Variants in ZBTB44 observed in about 807,000 individuals in gnomAD.
ZBTB44 encodes zinc finger and BTB domain containing 44, also known as zinc finger and BTB domain-containing protein 44.
In ZBTB44, 15 loss-of-function variants were observed where a neutral mutation model predicts 54.0. The ratio of observed to expected loss-of-function variants is 0.28; its 90% CI spans 0.19 to 0.43. The LOEUF (loss-of-function observed/expected upper bound fraction) is 0.43, where lower values mean the gene tolerates loss of function less well. Ranked by LOEUF, ZBTB44 falls within the 20% of genes least tolerant of loss-of-function variation. The pLI is 1.00. For synonymous variants in ZBTB44, 230 were observed against 250.1 expected (o/e 0.92, Z 0.76); for missense variants, 487 against 707.1 (o/e 0.69, Z 3.53).
intron 1 of ZBTB44, among the ~76,000 whole-genome samples, chr11:130,280,436 G>C (rs1412921023): frequency 6.6e-6 from 1 of 152,054 alleles, no homozygotes; most frequent in East Asian, 1.9e-4. Context: ...TTAAAAGACA[G>C]CATCAAAATA....
intron 1 of ZBTB44, among the ~76,000 whole-genome samples, chr11:130,268,664 C>T (rs1008403104): frequency 9.2e-5 from 14 of 152,050 alleles, no homozygotes; most frequent in African/African-American, 2.9e-4. Flanking sequence ...CTGCAACCTC[C>T]GCCTCCCGGG....
rs1186215952 is a variant in ZBTB44 at position 130,229,353 on chromosome 11, T to C, written c.*2411A>G. The C allele has an allele frequency of 1.3e-5, 2 of 152,242 alleles. No homozygotes were observed. Among genetic ancestry groups the C allele is most frequent in the East Asian group, 1.9e-4 (1 of 5,188 alleles). The allele number at this position is 152,242 out of a possible 1,614,324, so 9.4% of individuals were successfully genotyped here. ...ACACAGGCTTAACCCCCCATAAATA[T>C]TACAACATCTCAACTTATCTATCGT... is the stretch of plus-strand genomic sequence containing the variant. On this transcript the variant is annotated 3_prime_UTR_variant, in exon 8 of 8. Coordinates refer to ENST00000357899, the MANE Select transcript of ZBTB44 (RefSeq NM_001301098.2).
chr11:130,272,850 C>A (rs1939776905), intron 1 of ZBTB44, among the ~76,000 whole-genome samples: 1 of 152,096 alleles, frequency 6.6e-6, no homozygotes, highest in Non-Finnish European at 1.5e-5. Flanking sequence ...ATCTTGGCAT[C>A]CTTGTTGGAA....
In ZBTB44 at chr11:130,300,555, G is replaced by A. The variant is rs544763033; in HGVS notation, c.-57+13820C>T. 4.6e-5 allele frequency among the ~76,000 whole-genome samples: 7 copies of A among 152,210 alleles called. No individual in the cohort carries two copies. In the South Asian group the frequency reaches 1.0e-3, roughly 23 times the overall value. ...AGAAAAAAAAGAGGAAAAAAGTGAA[G>A]GCGGGGTATCAGAAGGGAAACCTGT... On this transcript the variant is annotated intron_variant, in intron 1 of 7. Transcript: ENST00000357899.
intron 2 of ZBTB44, among the ~76,000 whole-genome samples, chr11:130,256,972 G>C (rs1938491105): frequency 6.6e-6 from 1 of 152,038 alleles, no homozygotes; most frequent in Non-Finnish European, 1.5e-5. Context: ...TAAGAAGAGA[G>C]AAGGTCAAAT....
At chr11:130,253,817 C>G (rs184287050) in intron 2 of ZBTB44, among the ~76,000 whole-genome samples, 48 of 152,306 alleles carry the variant, frequency 3.2e-4, no homozygotes, top group African/African-American at 1.1e-3. Context: ...TGACTTCAAG[C>G]TATACTACAA....
At chr11:130,292,752 T>C (rs1941380402) in intron 1 of ZBTB44, among the ~76,000 whole-genome samples, 1 of 152,204 alleles carries the variant, frequency 6.6e-6, no homozygotes, top group Non-Finnish European at 1.5e-5. Context: ...GATTTAGGAA[T>C]GGAAGAACCA....
intron 1 of ZBTB44, among the ~76,000 whole-genome samples, chr11:130,311,491 G>T (rs1942602073): frequency 6.6e-6 from 1 of 152,148 alleles, no homozygotes; most frequent in Non-Finnish European, 1.5e-5. Context: ...TTACAGGCAT[G>T]AGCCACTGTG....
chr11:130,238,552 T>C lies in ZBTB44; in HGVS notation c.1159A>G (p.Thr387Ala). 1.9e-6 allele frequency: 3 copies of C among 1,613,246 alleles called. No individual in the cohort carries two copies. Among genetic ancestry groups the C allele is most frequent in the South Asian group, 2.2e-5 (2 of 90,744 alleles). The change falls in exon 4 of 8, where the codon ACA becomes GCA. Residue 387 changes from threonine to alanine, a missense_variant. Around this residue, in one of 3 missense-constraint regions of ZBTB44, gnomAD observed 277 missense variants for 306.5 expected, o/e 0.90. Transcript: ENST00000357899. Reference protein sequence around the residue: ...QLYIAPSTSSTERPSPNGPDR... With the variant: ...QLYIAPSTSSAERPSPNGPDR... ...GGACCATTTGGACTTGGTCGCTCTG[T>C]ACTGCTGGTGGAAGGAGCAATGTAG...
At chr11:130,297,576 G>T (rs987135326) in intron 1 of ZBTB44, among the ~76,000 whole-genome samples, 2 of 152,306 alleles carry the variant, frequency 1.3e-5, no homozygotes, top group African/African-American at 4.8e-5. Flanking sequence ...AAGTTCAAGG[G>T]AGATCATTAA....
At chr11:130,295,987 T>C (rs765441292) in intron 1 of ZBTB44, 5 of 1,550,038 alleles carry the variant, frequency 3.2e-6, no homozygotes, top group Non-Finnish European at 3.6e-6. Context: ...CCGTCTGCTG[T>C]ATCATATGCA....
chr11:130,244,667 G>GGGGAAAA (rs1257316227), intron 2 of ZBTB44, among the ~76,000 whole-genome samples: 1 of 104,794 alleles, frequency 9.5e-6, no homozygotes, highest in Admixed American at 9.6e-5. Flanking sequence ...ACTCTGTCTG[G>GGGGAAAA]AAAAAAAAAA....
At chr11:130,299,429 T>G (rs187900483) in intron 1 of ZBTB44, among the ~76,000 whole-genome samples, 1 of 152,232 alleles carries the variant, frequency 6.6e-6, no homozygotes, top group African/African-American at 2.4e-5. Context: ...GGCACGCACC[T>G]GTAATCCCAG....
chr11:130,309,195 C>T (rs1443645802), intron 1 of ZBTB44, among the ~76,000 whole-genome samples: 1 of 152,214 alleles, frequency 6.6e-6, no homozygotes, highest in Non-Finnish European at 1.5e-5. Context: ...CTGATCTGCC[C>T]GTTGCACCCT....
Position 130,248,615 on chromosome 11 carries a change from T to G in ZBTB44, c.1019-8719A>C, listed in dbSNP as rs117283161. On this transcript the variant is annotated intron_variant, in intron 2 of 7. Coordinates refer to ENST00000357899, the MANE Select transcript of ZBTB44 (RefSeq NM_001301098.2). Reference sequence around the variant, plus strand: ...GACATCACACCACAGCACTCCAGCCTGAGCAACAGGGCAAGATACTGGCTC... The same window carrying G: ...GACATCACACCACAGCACTCCAGCCGGAGCAACAGGGCAAGATACTGGCTC... Among the ~76,000 whole-genome samples, 150 of 151,798 alleles carry G rather than the reference T, an allele frequency of 9.9e-4. No homozygotes were observed. The East Asian group carries it at 0.028, about 29-fold the overall frequency.
intron 1 of ZBTB44, among the ~76,000 whole-genome samples, chr11:130,312,739 T>C (rs1414252048): frequency 6.6e-6 from 1 of 152,246 alleles, no homozygotes; most frequent in Non-Finnish European, 1.5e-5. Flanking sequence ...TGCATGAATC[T>C]TGACTGACTA....
chr11:130,312,361 A>C (rs1225998241), intron 1 of ZBTB44, among the ~76,000 whole-genome samples: 1 of 152,210 alleles, frequency 6.6e-6, no homozygotes, highest in East Asian at 1.9e-4. Context: ...TACATTTAGC[A>C]TCATTAATAG....
At chr11:130,287,159 T>C (rs1464999420) in intron 1 of ZBTB44, among the ~76,000 whole-genome samples, 1 of 152,186 alleles carries the variant, frequency 6.6e-6, no homozygotes. Flanking sequence ...ACACCTTCAA[T>C]TGCTCAGTCA....
intron 1 of ZBTB44, among the ~76,000 whole-genome samples, chr11:130,292,392 G>A (rs1348954608): frequency 6.6e-6 from 1 of 152,102 alleles, no homozygotes; most frequent in Non-Finnish European, 1.5e-5. Context: ...TCAGTAAGTA[G>A]TTTACAGATT....
Sources: allele counts gnomAD v4.1 joint callset (sites outside exome capture counted in the v4.1 genomes callset), GRCh38; gene constraint gnomAD v4.1.1; regional missense constraint gnomAD v4.1.1; transcripts MANE v1.5; gene names NCBI Gene and HGNC (gene_info 2026-07-23, HGNC 2026-07-21).